The following CDH13 variants were observed in gnomAD, a reference collection of about 807,000 sequenced individuals.
CDH13 encodes the protein cadherin 13.
CDH13 carries 24 observed loss-of-function variants against 63.8 expected under a neutral mutation model. The observed-to-expected ratio is 0.38, with a 90% confidence interval of 0.27 to 0.53. The LOEUF (loss-of-function observed/expected upper bound fraction) is 0.53, where lower values mean the gene tolerates loss of function less well. Among genes scored for constraint, CDH13 ranks in the 20% least tolerant of loss-of-function variants. CDH13 has a pLI of 0.85. For missense variants in CDH13, 1,049 were observed against 903.1 expected, an observed-to-expected ratio of 1.16 and a Z score of -2.07; for synonymous variants, 503 against 355.3, an observed-to-expected ratio of 1.42 and a Z score of -4.67.
intron 4 of CDH13, among the ~76,000 whole-genome samples, chr16:83,162,371 C>T (rs1468089050): frequency 6.6e-6 from 1 of 152,066 alleles, no homozygotes; most frequent in Admixed American, 6.6e-5. Context: ...TGAATCCTTC[C>T]AACAAGATAC....
chr16:82,663,369 A>G (rs749797895), intron 1 of CDH13, among the ~76,000 whole-genome samples: 1 of 152,024 alleles, frequency 6.6e-6, no homozygotes, highest in Admixed American at 6.5e-5. Context: ...TATTTTTAGT[A>G]TAGATGGGTT....
intron 1 of CDH13, among the ~76,000 whole-genome samples, chr16:82,834,775 G>A (rs78670308): frequency 1.3e-5 from 2 of 152,270 alleles, no homozygotes; most frequent in African/African-American, 4.8e-5. Flanking sequence ...TCTGGAAAGG[G>A]GTCTGCAAAC....
chr16:83,443,723 AAAAAAAAAAAAAATAT>A (rs1287442356), intron 6 of CDH13, among the ~76,000 whole-genome samples: 6 of 79,098 alleles, frequency 7.6e-5, no homozygotes, highest in African/African-American at 4.2e-4. Context: ...AAAAAAAAAA[AAAAAAAAAAAAAATAT>A]ATATATATAT....
Position 82,683,977 on chromosome 16 carries a change from TA to T in CDH13, c.45+56843del, listed in dbSNP as rs551641779. 7.2e-5 allele frequency among the ~76,000 whole-genome samples: 11 copies of T among 152,356 alleles called. 1 individual carries two copies. In the South Asian group the frequency reaches 1.9e-3, roughly 26 times the overall value. ...TGACTTGTCTAGTCTCCTCTTTTAT[TA>T]AATCTGCTCTAAGCAGTTGGATGGG... On this transcript the variant is annotated intron_variant, in intron 1 of 13. Transcript: ENST00000567109.
At chr16:82,767,618 A>G (rs944247511) in intron 1 of CDH13, among the ~76,000 whole-genome samples, 20 of 152,088 alleles carry the variant, frequency 1.3e-4, no homozygotes, top group African/African-American at 4.8e-4. Flanking sequence ...GCCTTTGTTC[A>G]TGTTCTTTCT....
chr16:83,060,229 G>T (rs1425264038), intron 3 of CDH13, among the ~76,000 whole-genome samples: 8 of 152,140 alleles, frequency 5.3e-5, no homozygotes. Flanking sequence ...TAAAGCAGAT[G>T]TATTTTGTTG....
chr16:83,015,233 A>G (rs1250853489), intron 2 of CDH13, among the ~76,000 whole-genome samples: 1 of 151,864 alleles, frequency 6.6e-6, no homozygotes, highest in Non-Finnish European at 1.5e-5. Context: ...ATTTTTAATT[A>G]TTTTTGTATT....
At chr16:82,681,336 G>A (rs1334445874) in intron 1 of CDH13, among the ~76,000 whole-genome samples, 2 of 152,296 alleles carry the variant, frequency 1.3e-5, no homozygotes, top group South Asian at 4.1e-4. Flanking sequence ...TGATTGCCAG[G>A]GGCGTGGAGG....
At chr16:82,915,724 G>A (rs1030081282) in intron 2 of CDH13, among the ~76,000 whole-genome samples, 18 of 151,768 alleles carry the variant, frequency 1.2e-4, no homozygotes, top group Non-Finnish European at 2.6e-4. Context: ...TCTTAGACAT[G>A]CTGGTAATAC....
chr16:83,179,166 C>G (rs1262256163), intron 4 of CDH13, among the ~76,000 whole-genome samples: 3 of 152,132 alleles, frequency 2.0e-5, no homozygotes, highest in African/African-American at 7.2e-5. Flanking sequence ...GTAAGGAGTT[C>G]AGGGATTCCA....
chr16:83,450,387 C>T (rs1044406969), intron 6 of CDH13, among the ~76,000 whole-genome samples: 8 of 152,070 alleles, frequency 5.3e-5, no homozygotes, highest in African/African-American at 1.7e-4. Flanking sequence ...TCTGTTTGCT[C>T]CTCTGAAAAA....
intron 2 of CDH13, among the ~76,000 whole-genome samples, chr16:83,014,743 A>AAT (rs71146101): frequency 0.084 from 2,782 of 33,022 alleles, 118 homozygotes; most frequent in Non-Finnish European, 0.12. Context: ...AAAAAAAAAA[A>AAT]ATATATATAT....
chr16:82,837,289 C>A (rs988713806), intron 1 of CDH13, among the ~76,000 whole-genome samples: 1 of 152,114 alleles, frequency 6.6e-6, no homozygotes, highest in Non-Finnish European at 1.5e-5. Flanking sequence ...AGCTTGCCTA[C>A]CTCAGAGGCT....
At chr16:83,338,337 G>T (rs2090646368) in intron 5 of CDH13, among the ~76,000 whole-genome samples, 1 of 152,184 alleles carries the variant, frequency 6.6e-6, no homozygotes, top group Non-Finnish European at 1.5e-5. Context: ...CGGAGATGGA[G>T]AGAAAGGACA....
chr16:82,730,070 G>C (rs1004627492), intron 1 of CDH13, among the ~76,000 whole-genome samples: 7 of 152,296 alleles, frequency 4.6e-5, no homozygotes, highest in Non-Finnish European at 8.8e-5. Context: ...TGGCTGGATT[G>C]ATCTTCTATT....
At chr16:83,176,884 C>A (rs535283129) in intron 4 of CDH13, among the ~76,000 whole-genome samples, 1 of 152,094 alleles carries the variant, frequency 6.6e-6, no homozygotes, top group Non-Finnish European at 1.5e-5. Flanking sequence ...CCTTCCTCTC[C>A]CATCAGCCTG....
chr16:83,062,001 G>C (rs2031597102), intron 3 of CDH13, among the ~76,000 whole-genome samples: 2 of 152,196 alleles, frequency 1.3e-5, no homozygotes, highest in Admixed American at 6.5e-5. Flanking sequence ...ACAATTTATG[G>C]AGAATGGGAA....
At chr16:83,111,432 G>T (rs1408224896) in intron 3 of CDH13, among the ~76,000 whole-genome samples, 1 of 152,182 alleles carries the variant, frequency 6.6e-6, no homozygotes, top group East Asian at 1.9e-4. Flanking sequence ...TGATTTGTTT[G>T]CCAAATGGAG....
intron 8 of CDH13, among the ~76,000 whole-genome samples, chr16:83,621,472 T>G: frequency 8.6e-6 from 1 of 116,790 alleles, no homozygotes; most frequent in Middle Eastern, 3.8e-3. Context: ...TCACCTCACC[T>G]GCCTTTTTTT....
Sources: allele counts gnomAD v4.1 joint callset (sites outside exome capture counted in the v4.1 genomes callset), GRCh38; gene constraint gnomAD v4.1.1; transcripts MANE v1.5; gene names NCBI Gene and HGNC (gene_info 2026-07-23, HGNC 2026-07-21).